The following KCNMB2 variants were observed in gnomAD, a reference collection of about 807,000 sequenced individuals.
KCNMB2 encodes the protein calcium-activated potassium channel subunit beta-2.
KCNMB2 carries 9 observed loss-of-function variants against 24.5 expected under a neutral mutation model. That is an observed-to-expected ratio of 0.37 (90% CI 0.22 to 0.64). The LOEUF (loss-of-function observed/expected upper bound fraction) is 0.64. Among genes scored for constraint, KCNMB2 ranks in the 30% least tolerant of loss-of-function variants. The pLI, the probability that KCNMB2 is intolerant of heterozygous loss-of-function variation, is 0.63. For missense variants in KCNMB2, 226 were observed against 284.3 expected, an observed-to-expected ratio of 0.79 and a Z score of 1.47; for synonymous variants, 109 against 104.4, an observed-to-expected ratio of 1.04 and a Z score of -0.27.
chr3:178,612,976 GATA>G lies in KCNMB2; in HGVS notation c.-68+76270_-68+76272del, dbSNP rs548064449. The stretch of plus-strand genomic sequence containing the variant: ...ATATTATAACCCATTATTTTAACCT[GATA>G]ATAACTTAATACTGTTTGCATAAAC... On this transcript the variant is annotated intron_variant, in intron 1 of 4. Coordinates refer to ENST00000452583, the MANE Select transcript of KCNMB2 (RefSeq NM_181361.3). Among the ~76,000 whole-genome samples the G allele has an allele frequency of 1.0e-3, 159 of 152,140 alleles. No homozygotes were observed. The Middle Eastern group carries it at 0.014, about 13-fold the overall frequency.
chr3:178,789,264 G>A (rs906931776), intron 1 of KCNMB2, among the ~76,000 whole-genome samples: 4 of 152,164 alleles, frequency 2.6e-5, no homozygotes, highest in African/African-American at 9.7e-5. Context: ...CATGACAGAG[G>A]TCACAAGTGA....
chr3:178,648,420 T>A (rs1415069700), intron 1 of KCNMB2, among the ~76,000 whole-genome samples: 1 of 152,104 alleles, frequency 6.6e-6, no homozygotes, highest in Non-Finnish European at 1.5e-5. Flanking sequence ...GCACCTGTAG[T>A]GCCAACTACT....
rs75538346 is a variant in KCNMB2, at chr3:178,565,684, T to C, written c.-68+28973T>C. 9.8e-4 allele frequency among the ~76,000 whole-genome samples: 149 copies of C among 152,340 alleles called. 1 individual carries two copies. The East Asian group carries it at 0.025, about 25-fold the overall frequency. ...CATGGCTAGGTACACATAGCTATCATTGACTTTCAGATTCTCTACCAATGC... is the reference window on the plus strand; with the variant it reads ...CATGGCTAGGTACACATAGCTATCACTGACTTTCAGATTCTCTACCAATGC... On this transcript the variant is annotated intron_variant, in intron 1 of 4. Coordinates refer to ENST00000452583, the MANE Select transcript of KCNMB2 (RefSeq NM_181361.3).
intron 1 of KCNMB2, among the ~76,000 whole-genome samples, chr3:178,637,363 T>C (rs1719565386): frequency 6.6e-6 from 1 of 152,192 alleles, no homozygotes; most frequent in African/African-American, 2.4e-5. Context: ...TTCACCAGCA[T>C]GATCAAACTA....
At chr3:178,754,931 C>CCATT (rs1393066825) in intron 1 of KCNMB2, among the ~76,000 whole-genome samples, 1 of 152,238 alleles carries the variant, frequency 6.6e-6, no homozygotes, top group Non-Finnish European at 1.5e-5. Context: ...CCTCTAAGTG[C>CCATT]CATTGTGCAC....
intron 4 of KCNMB2, among the ~76,000 whole-genome samples, chr3:178,838,963 A>T (rs1482266850): frequency 2.6e-5 from 4 of 152,220 alleles, no homozygotes; most frequent in African/African-American, 7.2e-5. Flanking sequence ...TGTTTTGAAG[A>T]AGGAGCACAG....
intron 1 of KCNMB2, among the ~76,000 whole-genome samples, chr3:178,627,515 T>C (rs1416234444): frequency 1.3e-5 from 2 of 152,216 alleles, no homozygotes; most frequent in Non-Finnish European, 2.9e-5. Context: ...TGAGAAATGA[T>C]ATCTCATTTT....
At chr3:178,679,155 T>C (rs892781970) in intron 1 of KCNMB2, among the ~76,000 whole-genome samples, 1 of 152,132 alleles carries the variant, frequency 6.6e-6, no homozygotes. Flanking sequence ...GTTGACTGGG[T>C]CTCCCAAAAG....
intron 1 of KCNMB2, among the ~76,000 whole-genome samples, chr3:178,720,144 C>A (rs1722749380): frequency 1.3e-5 from 2 of 152,052 alleles, no homozygotes; most frequent in Admixed American, 6.5e-5. Flanking sequence ...ACCCACCCCA[C>A]AACAGGCCCC....
chr3:178,821,931 A>G (rs1474233914), intron 2 of KCNMB2, among the ~76,000 whole-genome samples: 2 of 152,168 alleles, frequency 1.3e-5, no homozygotes, highest in African/African-American at 4.8e-5. Flanking sequence ...ACACTACAGT[A>G]ACAATCCCCC....
chr3:178,676,094 A>T (rs1721061354), intron 1 of KCNMB2, among the ~76,000 whole-genome samples: 1 of 152,186 alleles, frequency 6.6e-6, no homozygotes, highest in South Asian at 2.1e-4. Context: ...AGCCCATGTT[A>T]CGCCTCTAAT....
chr3:178,658,772 G>A (rs971639587), intron 1 of KCNMB2, among the ~76,000 whole-genome samples: 2 of 152,278 alleles, frequency 1.3e-5, no homozygotes, highest in Admixed American at 1.3e-4. Flanking sequence ...ATATTACTCA[G>A]TAAATGATGC....
rs985578436 is a variant in KCNMB2, at chr3:178,539,740, CGT to C, written c.-68+3040_-68+3041del. ...AAGAGAGAGAGAGAGTGTGTGTGTG[CGT>C]GTGTGTGTGTTGAGTGTGCATGTGT... On this transcript the variant is annotated intron_variant, in intron 1 of 4. Coordinates refer to ENST00000452583, the MANE Select transcript of KCNMB2 (RefSeq NM_181361.3). Among the ~76,000 whole-genome samples, 45 of 151,136 alleles carry C rather than the reference CGT, an allele frequency of 3.0e-4. 1 individual carries two copies. The highest frequency in any genetic ancestry group is 1.0e-3 in the African/African-American group (43 of 41,210).
At chr3:178,679,004 ATTGTTG>A (rs1175914274) in intron 1 of KCNMB2, among the ~76,000 whole-genome samples, 2 of 140,766 alleles carry the variant, frequency 1.4e-5, no homozygotes, top group African/African-American at 5.2e-5. Flanking sequence ...TGTTGTTGTC[ATTGTTG>A]TTCATTTATC....
At chr3:178,578,806 T>C (rs1042609691) in intron 1 of KCNMB2, among the ~76,000 whole-genome samples, 1 of 152,164 alleles carries the variant, frequency 6.6e-6, no homozygotes, top group Non-Finnish European at 1.5e-5. Context: ...AAGAGATCAA[T>C]GTAATGAGAA....
chr3:178,676,918 C>G (rs980247500), intron 1 of KCNMB2, among the ~76,000 whole-genome samples: 6 of 152,094 alleles, frequency 3.9e-5, no homozygotes, highest in African/African-American at 1.4e-4. Flanking sequence ...AGGCCTAATC[C>G]CCGTGTCAGA....
chr3:178,638,934 A>G (rs1335306904), intron 1 of KCNMB2, among the ~76,000 whole-genome samples: 1 of 152,154 alleles, frequency 6.6e-6, no homozygotes, highest in Non-Finnish European at 1.5e-5. Context: ...TGTAATTTAT[A>G]TTTACTCTAG....
At chr3:178,617,201 T>A (rs1304703897) in intron 1 of KCNMB2, among the ~76,000 whole-genome samples, 2 of 152,184 alleles carry the variant, frequency 1.3e-5, no homozygotes, top group African/African-American at 4.8e-5. Flanking sequence ...TTATGATTGT[T>A]AGCTTGTTTT....
chr3:178,679,782 A>C (rs1296176873), intron 1 of KCNMB2, among the ~76,000 whole-genome samples: 3 of 152,174 alleles, frequency 2.0e-5, no homozygotes, highest in Non-Finnish European at 4.4e-5. Context: ...GAATTAACAG[A>C]GACATTAAAT....
Sources: allele counts gnomAD v4.1 joint callset (sites outside exome capture counted in the v4.1 genomes callset), GRCh38; gene constraint gnomAD v4.1.1; transcripts MANE v1.5; gene names NCBI Gene and HGNC (gene_info 2026-07-23, HGNC 2026-07-21).